ZNF407: variants seen among roughly 807,000 people sequenced by gnomAD.
The protein encoded by ZNF407 is zinc finger protein 407.
Under a neutral mutation model 131.2 loss-of-function variants are expected in ZNF407, and 17 were observed. The ratio of observed to expected loss-of-function variants is 0.13; its 90% CI spans 0.09 to 0.19. The LOEUF (loss-of-function observed/expected upper bound fraction) is 0.19. Ranked by LOEUF, ZNF407 falls within the 10% of genes least tolerant of loss-of-function variation. The pLI is 1.00. For missense variants in ZNF407, 2,681 were observed against 2,830.6 expected, an observed-to-expected ratio of 0.95 and a Z score of 1.20; for synonymous variants, 1,156 against 1,062.0, an observed-to-expected ratio of 1.09 and a Z score of -1.72.
intron 8 of ZNF407, among the ~76,000 whole-genome samples, chr18:74,979,046 G>A (rs914957834): frequency 2.6e-5 from 4 of 152,076 alleles, no homozygotes; most frequent in South Asian, 2.1e-4. Context: ...GGACGACTTC[G>A]CGGGCAGCAC....
intron 4 of ZNF407, among the ~76,000 whole-genome samples, chr18:74,820,013 C>G (rs1970318965): frequency 6.6e-6 from 1 of 152,138 alleles, no homozygotes; most frequent in Non-Finnish European, 1.5e-5. Context: ...TATTTAAAAT[C>G]AGCACTGAAG....
chr18:74,665,665 A>T (rs1227898791), intron 3 of ZNF407, among the ~76,000 whole-genome samples: 1 of 152,186 alleles, frequency 6.6e-6, no homozygotes, highest in Non-Finnish European at 1.5e-5. Context: ...TTGTTGTGAT[A>T]TATGATGCAT....
chr18:74,929,328 C>A (rs957709072), intron 8 of ZNF407, among the ~76,000 whole-genome samples: 1 of 151,854 alleles, frequency 6.6e-6, no homozygotes, highest in African/African-American at 2.4e-5. Flanking sequence ...GGCAGCACTG[C>A]GATCTTATCA....
chr18:74,864,745 G>A (rs1365303262), intron 4 of ZNF407, among the ~76,000 whole-genome samples: 1 of 152,158 alleles, frequency 6.6e-6, no homozygotes, highest in Non-Finnish European at 1.5e-5. Context: ...TGTTTATGAG[G>A]CAGTGTTGTA....
intron 7 of ZNF407, among the ~76,000 whole-genome samples, chr18:74,910,356 G>GTTGC (rs1005400201): frequency 2.0e-5 from 3 of 151,974 alleles, no homozygotes; most frequent in African/African-American, 7.3e-5. Context: ...TATATATGTG[G>GTTGC]TTGCTTGCTT....
At chr18:74,677,388 G>C (rs1442595431) in intron 3 of ZNF407, among the ~76,000 whole-genome samples, 1 of 152,162 alleles carries the variant, frequency 6.6e-6, no homozygotes, top group African/African-American at 2.4e-5. Flanking sequence ...GCCCTACGGG[G>C]TCATCTTTTA....
intron 8 of ZNF407, among the ~76,000 whole-genome samples, chr18:74,935,711 A>G (rs186279996): frequency 6.6e-6 from 1 of 152,192 alleles, no homozygotes; most frequent in Non-Finnish European, 1.5e-5. Context: ...AGGTGAGAAG[A>G]GGAGATCGAT....
At chr18:75,055,495 C>G (rs939031861) in intron 8 of ZNF407, among the ~76,000 whole-genome samples, 2 of 152,192 alleles carry the variant, frequency 1.3e-5, no homozygotes, top group Non-Finnish European at 2.9e-5. Flanking sequence ...ACCTCTATTA[C>G]TGTTAGATCT....
chr18:74,805,802 G>A (rs1203000188), intron 4 of ZNF407, among the ~76,000 whole-genome samples: 2 of 152,154 alleles, frequency 1.3e-5, no homozygotes, highest in African/African-American at 4.8e-5. Flanking sequence ...ATGTTTTGAA[G>A]TCATTCATTG....
intron 3 of ZNF407, among the ~76,000 whole-genome samples, chr18:74,683,522 T>A (rs1444984601): frequency 1.3e-5 from 2 of 152,220 alleles, no homozygotes; most frequent in East Asian, 3.8e-4. Context: ...AATTTTGAGA[T>A]GCTATGCAAT....
chr18:74,675,609 T>C (rs1986323734), intron 3 of ZNF407, among the ~76,000 whole-genome samples: 2 of 152,234 alleles, frequency 1.3e-5, no homozygotes, highest in Admixed American at 1.3e-4. Flanking sequence ...GTCTTTTCTG[T>C]GCTGTCTTTC....
intron 5 of ZNF407, among the ~76,000 whole-genome samples, chr18:74,880,092 A>G (rs1020905597): frequency 1.3e-5 from 2 of 152,188 alleles, no homozygotes; most frequent in Non-Finnish European, 2.9e-5. Context: ...TTCTGGAAAA[A>G]CATTTTATAA....
chr18:74,652,655 G>T (rs533205315), intron 3 of ZNF407, among the ~76,000 whole-genome samples: 3 of 151,928 alleles, frequency 2.0e-5, no homozygotes, highest in South Asian at 4.1e-4. Flanking sequence ...TCAGGGGTGG[G>T]TGCTATATTT....
At chr18:74,951,235 C>T (rs1972210371) in intron 8 of ZNF407, among the ~76,000 whole-genome samples, 2 of 152,146 alleles carry the variant, frequency 1.3e-5, no homozygotes, top group African/African-American at 2.4e-5. Flanking sequence ...AGAACATGTT[C>T]ACTGCACCAA....
chr18:74,632,491 T>C lies in ZNF407; in HGVS notation c.1472T>C (p.Val491Ala). 1.2e-6 allele frequency: 2 copies of C among 1,614,032 alleles called. No individual in the cohort carries two copies. Among genetic ancestry groups the C allele is most frequent in the African/African-American group, 2.7e-5 (2 of 75,062 alleles). The part of the protein sequence containing the change: ...EACSSVQRVC[V>A]TTSETQEAEQ... Reference sequence around the variant, plus strand: ...TGCAGCAGTGTGCAGAGAGTGTGTGTGACTACCTCAGAAACCCAGGAGGCA... The same window carrying C: ...TGCAGCAGTGTGCAGAGAGTGTGTGCGACTACCTCAGAAACCCAGGAGGCA... Residue 491 changes from valine to alanine, a missense_variant, in exon 2 of 9, where the codon GTG becomes GCG. By Grantham distance (64) the Val-to-Ala change is moderately conservative. Transcript: ENST00000299687.
intron 4 of ZNF407, among the ~76,000 whole-genome samples, chr18:74,793,470 T>C (rs1021236161): frequency 8.5e-5 from 13 of 152,168 alleles, no homozygotes; most frequent in Admixed American, 7.9e-4. Context: ...AAAAAGTGAT[T>C]TCTGAAATTT....
At chr18:74,679,030 G>A (rs1037252972) in intron 3 of ZNF407, among the ~76,000 whole-genome samples, 1 of 151,626 alleles carries the variant, frequency 6.6e-6, no homozygotes, top group African/African-American at 2.4e-5. Flanking sequence ...GAAAATGATG[G>A]GTAGAGTAGG....
chr18:74,830,900 A>G (rs1970473645), intron 4 of ZNF407, among the ~76,000 whole-genome samples: 1 of 148,130 alleles, frequency 6.8e-6, no homozygotes, highest in African/African-American at 2.4e-5. Flanking sequence ...CATTTAACCA[A>G]TGTCTCCCTA....
intron 3 of ZNF407, among the ~76,000 whole-genome samples, chr18:74,677,624 A>T (rs1986446683): frequency 6.6e-6 from 1 of 152,154 alleles, no homozygotes; most frequent in African/African-American, 2.4e-5. Context: ...GAGACCTAAA[A>T]TACTTTAGGC....
Sources: gnomAD v4.1 joint callset for allele counts (sites outside exome capture counted in the v4.1 genomes callset) on GRCh38, gnomAD v4.1.1 for gene constraint, MANE v1.5 for transcripts, NCBI Gene and HGNC (gene_info 2026-07-23, HGNC 2026-07-21) for gene names.